The following ELMO1 variants were observed in gnomAD, a reference collection of about 807,000 sequenced individuals.
ELMO1 encodes engulfment and cell motility protein 1.
In ELMO1, 26 loss-of-function variants were observed where a neutral mutation model predicts 98.9. The observed-to-expected ratio is 0.26, with a 90% confidence interval of 0.19 to 0.36. The LOEUF (loss-of-function observed/expected upper bound fraction) is 0.36. Among genes scored for constraint, ELMO1 ranks in the 10% least tolerant of loss-of-function variants. The probability of loss-of-function intolerance (pLI) is 1.00; values close to 1 mark genes in which losing one functional copy is unlikely to be tolerated. For synonymous variants in ELMO1, 346 were observed against 346.0 expected, an observed-to-expected ratio of 1.00 and a Z score of 0.00; for missense variants, 627 against 935.2, an observed-to-expected ratio of 0.67 and a Z score of 4.30.
At chr7:36,924,700 G>A (rs1004793079) in intron 16 of ELMO1, among the ~76,000 whole-genome samples, 3 of 152,150 alleles carry the variant, frequency 2.0e-5, no homozygotes, top group Non-Finnish European at 2.9e-5. Context: ...GAGGAAGAGT[G>A]TAGAATCATT....
chr7:36,990,433 T>C (rs1287817590), intron 16 of ELMO1, among the ~76,000 whole-genome samples: 1 of 152,164 alleles, frequency 6.6e-6, no homozygotes, highest in Admixed American at 6.5e-5. Context: ...ATCCAGCTTC[T>C]GAACACATTC....
chr7:36,993,783 T>G (rs1304154571), intron 16 of ELMO1, among the ~76,000 whole-genome samples: 3 of 152,142 alleles, frequency 2.0e-5, no homozygotes, highest in South Asian at 2.1e-4. Flanking sequence ...AATGGAAAAA[T>G]GTATCCCTAC....
chr7:37,183,294 G>C (rs181039010), intron 13 of ELMO1, among the ~76,000 whole-genome samples: 1 of 152,148 alleles, frequency 6.6e-6, no homozygotes, highest in East Asian at 1.9e-4. Context: ...AATAAACCCC[G>C]GCTGTAAAGA....
Position 36,930,108 on chromosome 7 carries a change from T to C in ELMO1, c.1438-35091A>G, listed in dbSNP as rs145984587. Among the ~76,000 whole-genome samples, 39 of 152,324 alleles carry C rather than the reference T, an allele frequency of 2.6e-4. No individual in the cohort carries two copies. In the East Asian group the frequency reaches 4.2e-3, roughly 17 times the overall value. ...CAGTCACTGAGGAGTCATGAGCTCA[T>C]TGCCTATATAAAATGCAACTGAACT... On this transcript the variant is annotated intron_variant, in intron 16 of 21. Transcript: ENST00000310758.
chr7:37,301,899 T>C (rs1447562813), intron 4 of ELMO1, among the ~76,000 whole-genome samples: 5 of 152,194 alleles, frequency 3.3e-5, no homozygotes, highest in Non-Finnish European at 7.3e-5. Flanking sequence ...TCTATGTTTG[T>C]ATGATGCACA....
At chr7:37,083,968 G>A (rs948569961) in intron 15 of ELMO1, among the ~76,000 whole-genome samples, 6 of 152,224 alleles carry the variant, frequency 3.9e-5, no homozygotes, top group African/African-American at 1.4e-4. Context: ...CATAGAGCGG[G>A]AGTGGGTAGA....
At chr7:37,377,390 T>A (rs1802396172) in intron 1 of ELMO1, among the ~76,000 whole-genome samples, 1 of 151,960 alleles carries the variant, frequency 6.6e-6, no homozygotes, top group Non-Finnish European at 1.5e-5. Context: ...TTGAGGCAGA[T>A]CTTCTGGGTT....
intron 15 of ELMO1, among the ~76,000 whole-genome samples, chr7:37,091,165 T>C (rs970327686): frequency 6.6e-6 from 1 of 152,198 alleles, no homozygotes; most frequent in African/African-American, 2.4e-5. Flanking sequence ...TGGAGTACAA[T>C]GGGGCAATAT....
rs1457441874 is a variant in ELMO1 at position 37,249,002 on chromosome 7, C to T, written c.414-4611G>A. ...GTTATCCTCCATGCACCTCCTCTTA[C>T]GTCTCACATGCCTAACCCAGTGTGA... On this transcript the variant is annotated intron_variant, in intron 6 of 21. Coordinates refer to ENST00000310758, the MANE Select transcript of ELMO1 (RefSeq NM_014800.11). 2.6e-5 allele frequency among the ~76,000 whole-genome samples: 4 copies of T among 152,236 alleles called. No individual in the cohort carries two copies. The South Asian group carries it at 6.2e-4, about 24-fold the overall frequency.
intron 19 of ELMO1, among the ~76,000 whole-genome samples, chr7:36,871,227 T>C (rs981545347): frequency 3.9e-5 from 6 of 152,166 alleles, no homozygotes; most frequent in Non-Finnish European, 5.9e-5. Flanking sequence ...CACTTAAAAC[T>C]TTTGATAAGA....
At chr7:37,239,999 T>C (rs75927950) in intron 7 of ELMO1, among the ~76,000 whole-genome samples, 7,782 of 152,084 alleles carry the variant, frequency 0.051, 251 homozygotes, top group Middle Eastern at 0.099. Context: ...CTGTTTTCCA[T>C]GGCATTTGTC....
At chr7:36,969,063 AT>A (rs1789692176) in intron 16 of ELMO1, among the ~76,000 whole-genome samples, 2 of 152,138 alleles carry the variant, frequency 1.3e-5, no homozygotes, top group African/African-American at 4.8e-5. Context: ...TAAGTGATGC[AT>A]TTTTGAAAAA....
intron 15 of ELMO1, among the ~76,000 whole-genome samples, chr7:37,039,132 T>TAA (rs746114829): frequency 6.7e-6 from 1 of 149,672 alleles, no homozygotes; most frequent in African/African-American, 2.5e-5. Context: ...CTCCAATTTT[T>TAA]AAAAAAAAAA....
intron 1 of ELMO1, among the ~76,000 whole-genome samples, chr7:37,424,718 T>C (rs1428385361): frequency 1.3e-5 from 2 of 152,180 alleles, no homozygotes; most frequent in Admixed American, 1.3e-4. Context: ...ATCTGTCCTG[T>C]AATGAGTGTT....
intron 13 of ELMO1, among the ~76,000 whole-genome samples, chr7:37,155,503 A>ATAAAAAAAAAAAAAAAT (rs1554427526): frequency 7.6e-6 from 1 of 131,738 alleles, no homozygotes; most frequent in African/African-American, 2.7e-5. Context: ...AAAAAAAAAA[A>ATAAAAAAAAAAAAAAAT]AAAAAGCAGG....
chr7:37,222,979 G>T (rs767432646), intron 9 of ELMO1, among the ~76,000 whole-genome samples: 6 of 152,152 alleles, frequency 3.9e-5, no homozygotes, highest in Non-Finnish European at 7.4e-5. Context: ...AAACCTAGGG[G>T]ATGTTGTAAT....
intron 1 of ELMO1, among the ~76,000 whole-genome samples, chr7:37,403,981 T>C (rs956359968): frequency 6.6e-6 from 1 of 152,112 alleles, no homozygotes; most frequent in African/African-American, 2.4e-5. Context: ...ATGCTGATAA[T>C]AGGGAAAACT....
chr7:37,037,234 A>T (rs1237001680), intron 15 of ELMO1, among the ~76,000 whole-genome samples: 1 of 152,198 alleles, frequency 6.6e-6, no homozygotes, highest in African/African-American at 2.4e-5. Flanking sequence ...TGAGATGAAG[A>T]AGTTCCTCAA....
At chr7:37,006,468 TG>T (rs542768405) in intron 16 of ELMO1, among the ~76,000 whole-genome samples, 237 of 152,330 alleles carry the variant, frequency 1.6e-3, no homozygotes, top group African/African-American at 5.5e-3. Context: ...GTCACACTGC[TG>T]TGAGGGGCCA....
Sources: allele counts gnomAD v4.1 joint callset (sites outside exome capture counted in the v4.1 genomes callset), GRCh38; gene constraint gnomAD v4.1.1; transcripts MANE v1.5; gene names NCBI Gene and HGNC (gene_info 2026-07-23, HGNC 2026-07-21).